Variants in GPBP1 observed in about 807,000 individuals in gnomAD.
GPBP1 encodes vasculin.
In GPBP1, 13 loss-of-function variants were observed where a neutral mutation model predicts 56.5. The observed-to-expected ratio is 0.23, with a 90% CI of 0.15 to 0.37. The LOEUF is 0.37. Ranked by LOEUF, GPBP1 falls within the 10% of genes least tolerant of loss-of-function variation. The probability of loss-of-function intolerance (pLI) is 1.00; values close to 1 mark genes in which losing one functional copy is unlikely to be tolerated. For synonymous variants in GPBP1, 204 were observed against 188.9 expected (o/e 1.08, Z -0.66); for missense variants, 477 against 572.3 (o/e 0.83, Z 1.70).
intron 2 of GPBP1, among the ~76,000 whole-genome samples, chr5:57,202,505 TCTCGAACTCCTGAC>T (rs1319845179): frequency 6.6e-6 from 1 of 152,194 alleles, no homozygotes; most frequent in Non-Finnish European, 1.5e-5. Context: ...GCCAGGCTGG[TCTCGAACTCCTGAC>T]CTGCAGTGAT....
chr5:57,257,910 C>T (rs1741735253), intron 10 of GPBP1, among the ~76,000 whole-genome samples: 1 of 152,136 alleles, frequency 6.6e-6, no homozygotes, highest in Non-Finnish European at 1.5e-5. Context: ...GATATTTTGA[C>T]ACAAGCAGGC....
intron 10 of GPBP1, among the ~76,000 whole-genome samples, chr5:57,251,687 T>C (rs898714228): frequency 6.6e-6 from 1 of 152,142 alleles, no homozygotes. Flanking sequence ...TGTTTTTATT[T>C]CTGTTGGATA....
intron 2 of GPBP1, among the ~76,000 whole-genome samples, chr5:57,181,585 G>A (rs1754051347): frequency 6.6e-6 from 1 of 150,762 alleles, no homozygotes; most frequent in African/African-American, 2.4e-5. Flanking sequence ...ACCAGCCTAG[G>A]GAACATTTAA....
chr5:57,176,331 A>G lies in GPBP1; in HGVS notation c.-127A>G, dbSNP rs1753786554. On this transcript the variant is annotated 5_prime_UTR_variant, in exon 2 of 12. Transcript: ENST00000506184. ...TATTATTTCAGAGGATACAAAATAA[A>G]AATACAAACTGGAAAATAAAGATTA... 3.9e-6 allele frequency: 1 copy of G among 253,490 alleles called. No homozygotes were observed. The highest frequency in any genetic ancestry group is 7.4e-6 in the Non-Finnish European group (1 of 135,426). 15.7% of individuals were successfully genotyped at this position (253,490 alleles called of 1,614,324 possible).
At chr5:57,180,691 ATATG>A (rs1322135203) in intron 2 of GPBP1, among the ~76,000 whole-genome samples, 1 of 152,104 alleles carries the variant, frequency 6.6e-6, no homozygotes, top group Non-Finnish European at 1.5e-5. Context: ...ATGGAAATAT[ATATG>A]GAGGGTTTTT....
intron 3 of GPBP1, among the ~76,000 whole-genome samples, chr5:57,225,508 A>ACAAAC (rs1554069041): frequency 8.1e-6 from 1 of 123,630 alleles, no homozygotes; most frequent in Non-Finnish European, 1.7e-5. Flanking sequence ...AAAAAAAAAA[A>ACAAAC]AAACAAACTG....
chr5:57,195,870 G>T (rs1487560951), intron 2 of GPBP1, among the ~76,000 whole-genome samples: 1 of 149,912 alleles, frequency 6.7e-6, no homozygotes, highest in African/African-American at 2.5e-5. Flanking sequence ...GGGCGTGGTG[G>T]CATGCGCCTG....
chr5:57,231,004 TTTTC>T (rs1188995313), intron 4 of GPBP1, 35 bp downstream of exon 4: 45 of 1,585,094 alleles, frequency 2.8e-5, no homozygotes, highest in Non-Finnish European at 3.7e-5. Flanking sequence ...TTATGGCTAA[TTTTC>T]TTTATGATTT....
intron 2 of GPBP1, among the ~76,000 whole-genome samples, chr5:57,198,046 C>T (rs1308972268): frequency 1.3e-5 from 2 of 151,874 alleles, no homozygotes; most frequent in Admixed American, 6.6e-5. Context: ...CTTTTTGTTT[C>T]GGTGTCGTTG....
chr5:57,174,978 C>A (rs1753735373), intron 1 of GPBP1, among the ~76,000 whole-genome samples: 1 of 152,262 alleles, frequency 6.6e-6, no homozygotes. Flanking sequence ...CTCTAGTAGA[C>A]GTTCTGATTT....
At chr5:57,261,125 T>C in intron 10 of GPBP1, 55 bp from the exon 11 acceptor site, 1 of 1,059,628 alleles carries the variant, frequency 9.4e-7, no homozygotes, top group Non-Finnish European at 1.5e-6. Flanking sequence ...ATGTAAATGA[T>C]ACTGTCCTAC....
At chr5:57,237,387 C>A in intron 6 of GPBP1, 1 of 501,706 alleles carries the variant, frequency 2.0e-6, no homozygotes, top group South Asian at 3.2e-5. Context: ...ATTTAATAAT[C>A]TTAGAAATGA....
intron 2 of GPBP1, among the ~76,000 whole-genome samples, chr5:57,180,842 A>G (rs1047646931): frequency 6.6e-6 from 1 of 152,090 alleles, no homozygotes; most frequent in African/African-American, 2.4e-5. Context: ...CCCAGGTCCA[A>G]GCGATTTTCC....
At chr5:57,180,052 G>T (rs930578211) in intron 2 of GPBP1, among the ~76,000 whole-genome samples, 1 of 152,122 alleles carries the variant, frequency 6.6e-6, no homozygotes, top group Non-Finnish European at 1.5e-5. Context: ...AGGGGTAATT[G>T]AGGAGGACTT....
chr5:57,228,782 T>G (rs756955342), intron 3 of GPBP1, among the ~76,000 whole-genome samples: 22 of 150,972 alleles, frequency 1.5e-4, no homozygotes, highest in Non-Finnish European at 2.8e-4. Context: ...CTAGGATAAA[T>G]CTATTGAAAT....
chr5:57,242,723 G>A (rs1313855520), intron 6 of GPBP1, among the ~76,000 whole-genome samples: 1 of 152,096 alleles, frequency 6.6e-6, no homozygotes, highest in Non-Finnish European at 1.5e-5. Flanking sequence ...TGGAATTACA[G>A]GTTTGAGCCA....
intron 2 of GPBP1, among the ~76,000 whole-genome samples, chr5:57,185,907 C>G (rs1754264696): frequency 6.6e-6 from 1 of 151,468 alleles, no homozygotes; most frequent in Admixed American, 6.6e-5. Context: ...AGGCTTGAGC[C>G]CAGGAGGTAG....
chr5:57,209,954 A>G (rs1755402386), intron 2 of GPBP1, among the ~76,000 whole-genome samples: 1 of 152,038 alleles, frequency 6.6e-6, no homozygotes. Context: ...CTATTGGTTG[A>G]TTTTGGGTGT....
intron 6 of GPBP1, chr5:57,237,583 A>G (rs1002479024): frequency 4.2e-5 from 7 of 167,252 alleles, no homozygotes. Flanking sequence ...CAAAAAAAGA[A>G]AATGGTTAAT....
Sources: gnomAD v4.1 joint callset for allele counts (sites outside exome capture counted in the v4.1 genomes callset) on GRCh38, gnomAD v4.1.1 for gene constraint, MANE v1.5 for transcripts, NCBI Gene and HGNC (gene_info 2026-07-23, HGNC 2026-07-21) for gene names.